VIT: variants seen among roughly 807,000 people sequenced by gnomAD.
The protein encoded by VIT is vitrin.
Under a neutral mutation model 78.0 loss-of-function variants are expected in VIT, and 99 were observed. The ratio of observed to expected loss-of-function variants is 1.27; its 90% CI spans 1.08 to 1.50. The LOEUF is 1.50. VIT is among the 40% of genes most tolerant of loss of function. The pLI is 0.00. For synonymous variants in VIT, 374 were observed against 334.3 expected, an observed-to-expected ratio of 1.12 and a Z score of -1.29; for missense variants, 1,126 against 875.3, an observed-to-expected ratio of 1.29 and a Z score of -3.61.
chr2:36,767,041 T>C, intron 6 of VIT, 53 bp from the exon 7 acceptor site: 1 of 1,478,748 alleles, frequency 6.8e-7, no homozygotes, highest in Non-Finnish European at 9.0e-7. Context: ...TCTAGTTCTA[T>C]AAGAGTGTAC....
chr2:36,794,391 T>C (rs1032658894), intron 12 of VIT, among the ~76,000 whole-genome samples: 1 of 152,232 alleles, frequency 6.6e-6, no homozygotes, highest in Non-Finnish European at 1.5e-5. Context: ...AATTAAAAGA[T>C]TGCTTGCATA....
chr2:36,766,365 CAA>C (rs35023854), intron 6 of VIT, among the ~76,000 whole-genome samples: 68 of 150,832 alleles, frequency 4.5e-4, no homozygotes, highest in African/African-American at 1.4e-3. Flanking sequence ...GCTTTCTCTA[CAA>C]AAAAAAAATT....
At chr2:36,749,038 C>T (rs541645813) in intron 4 of VIT, among the ~76,000 whole-genome samples, 2 of 152,320 alleles carry the variant, frequency 1.3e-5, no homozygotes, top group South Asian at 4.2e-4. Flanking sequence ...CATGGTCCTG[C>T]ATCTTTCATC....
intron 3 of VIT, among the ~76,000 whole-genome samples, 186 bp downstream of exon 3, chr2:36,729,677 G>T (rs1315883124): frequency 6.6e-6 from 1 of 152,166 alleles, no homozygotes; most frequent in South Asian, 2.1e-4. Flanking sequence ...TGAGATAGGA[G>T]CCCTGACTTT....
At chr2:36,787,314 CATGCCATGTGCTTAATTTT>C in intron 12 of VIT, 38 bp downstream of exon 12, 1 of 1,590,456 alleles carries the variant, frequency 6.3e-7, no homozygotes, top group Non-Finnish European at 8.6e-7. Context: ...GAAAGGAAGT[CATGCCATGTGCTTAATTTT>C]ATGCCACGTG....
chr2:36,718,687 G>A (rs1171773230), intron 2 of VIT, among the ~76,000 whole-genome samples: 11 of 152,148 alleles, frequency 7.2e-5, no homozygotes. Flanking sequence ...GCCATGAGAA[G>A]CCCTGAGGAA....
chr2:36,789,877 T>C (rs1424222167), intron 12 of VIT, among the ~76,000 whole-genome samples: 4 of 152,106 alleles, frequency 2.6e-5, no homozygotes. Context: ...AGACTCAAGT[T>C]GAGAAGCACC....
chr2:36,747,490 G>A (rs550822402), intron 4 of VIT, among the ~76,000 whole-genome samples: 25 of 152,284 alleles, frequency 1.6e-4, no homozygotes, highest in Admixed American at 9.8e-4. Flanking sequence ...TATTGGGTCT[G>A]TATATATTTA....
chr2:36,779,141 G>C (rs944249320), intron 9 of VIT, among the ~76,000 whole-genome samples: 2 of 152,216 alleles, frequency 1.3e-5, no homozygotes, highest in African/African-American at 4.8e-5. Flanking sequence ...GCCAGGCCCA[G>C]CTCTTCAGTG....
intron 5 of VIT, 133 bp from the exon 6 acceptor site, chr2:36,758,836 T>C: frequency 1.3e-6 from 1 of 791,644 alleles, no homozygotes. Flanking sequence ...TAATCAACTA[T>C]TCAGCATGAG....
intron 9 of VIT, among the ~76,000 whole-genome samples, chr2:36,780,249 A>T (rs140703838): frequency 6.2e-4 from 94 of 152,300 alleles, no homozygotes; most frequent in African/African-American, 2.2e-3. Context: ...ATGTTGGGGG[A>T]CTGTTTATCT....
At chr2:36,796,651 GTTGT>G (rs903580695) in intron 12 of VIT, among the ~76,000 whole-genome samples, 2 of 150,870 alleles carry the variant, frequency 1.3e-5, no homozygotes, top group African/African-American at 4.9e-5. Context: ...TTTTGTTGTT[GTTGT>G]TTGTTTGTGT....
chr2:36,742,076 G>A (rs535485684), intron 3 of VIT, among the ~76,000 whole-genome samples: 3 of 152,106 alleles, frequency 2.0e-5, no homozygotes, highest in East Asian at 1.9e-4. Context: ...CTGTGCTCAC[G>A]TTTTAAAGTT....
At chr2:36,767,825 A>T (rs1483645348) in intron 7 of VIT, among the ~76,000 whole-genome samples, 1 of 152,156 alleles carries the variant, frequency 6.6e-6, no homozygotes, top group Non-Finnish European at 1.5e-5. Flanking sequence ...AGCCCATCTG[A>T]TCATCTGATC....
intron 2 of VIT, among the ~76,000 whole-genome samples, chr2:36,726,575 G>T (rs190244849): frequency 9.2e-4 from 140 of 152,190 alleles, no homozygotes; most frequent in African/African-American, 3.3e-3. Flanking sequence ...GGGTGTGGTG[G>T]CTCATGCCGA....
At position 36,808,667 on chromosome 2, in the gene VIT, G is replaced by C. The variant is rs1234555868; in HGVS notation, c.1585G>C (p.Val529Leu). 1 of 1,614,070 alleles carries C rather than the reference G, an allele frequency of 6.2e-7. No individual in the cohort carries two copies. Among genetic ancestry groups the C allele is most frequent in the Admixed American group, 1.7e-5 (1 of 59,994 alleles). Residue 529 changes from valine to leucine, a missense_variant, in exon 15 of 16, where the codon GTC (valine) becomes CTC (leucine). Val to Leu is a conservative substitution (Grantham distance 32). Transcript: ENST00000379242. ...TGTGGGGACGGGCAACTTCCGCACC[G>C]TCCTCCAGTTTGTGACCAACCTCAC... ...SSVGTGNFRT[V>L]LQFVTNLTKE...
At chr2:36,774,906 A>G (rs1266318213) in intron 8 of VIT, 96 bp from the exon 9 acceptor site, 1 of 1,566,270 alleles carries the variant, frequency 6.4e-7, no homozygotes, top group Non-Finnish European at 8.7e-7. Context: ...TCCAAGGAAA[A>G]TCTGAACTAA....
At chr2:36,710,004 A>G (rs1417824790) in intron 1 of VIT, among the ~76,000 whole-genome samples, 2 of 152,208 alleles carry the variant, frequency 1.3e-5, no homozygotes, top group Non-Finnish European at 2.9e-5. Flanking sequence ...AGCAATGAGC[A>G]AGAGTGAGTT....
intron 7 of VIT, among the ~76,000 whole-genome samples, chr2:36,770,261 C>T (rs1411216014): frequency 6.6e-6 from 1 of 152,198 alleles, no homozygotes; most frequent in Non-Finnish European, 1.5e-5. Context: ...CTTAGGACAC[C>T]TGAAGGGTAT....
Sources: gnomAD v4.1 joint callset for allele counts (sites outside exome capture counted in the v4.1 genomes callset) on GRCh38, gnomAD v4.1.1 for gene constraint, MANE v1.5 for transcripts, NCBI Gene and HGNC (gene_info 2026-07-23, HGNC 2026-07-21) for gene names.